The following DNAH14 variants were observed in gnomAD, a reference collection of about 807,000 sequenced individuals.
DNAH14 encodes dynein axonemal heavy chain 14, also known as axonemal beta dynein heavy chain 14.
In DNAH14, 478 loss-of-function variants were observed where a neutral mutation model predicts 520.9. The observed-to-expected ratio is 0.92, with a 90% CI of 0.85 to 0.99. The LOEUF (loss-of-function observed/expected upper bound fraction) is 0.99. Among genes scored for constraint, DNAH14 ranks in the 50% least tolerant of loss-of-function variants. The pLI is 0.00. For synonymous variants in DNAH14, 1,581 were observed against 1,757.2 expected, an observed-to-expected ratio of 0.90 and a Z score of 2.51; for missense variants, 4,831 against 5,234.5, an observed-to-expected ratio of 0.92 and a Z score of 2.38.
At chr1:225,309,225 G>A (rs1311893819) in intron 60 of DNAH14, among the ~76,000 whole-genome samples, 1 of 152,098 alleles carries the variant, frequency 6.6e-6, no homozygotes, top group Non-Finnish European at 1.5e-5. Flanking sequence ...TTATAACATG[G>A]TTGAAGAAAA....
intron 44 of DNAH14, among the ~76,000 whole-genome samples, chr1:225,257,266 T>A (rs1328495931): frequency 6.6e-6 from 1 of 152,176 alleles, no homozygotes; most frequent in Non-Finnish European, 1.5e-5. Flanking sequence ...CAGCTAAAAG[T>A]GCCTCTAGTG....
At chr1:225,061,095 A>G (rs1332075193) in intron 17 of DNAH14, among the ~76,000 whole-genome samples, 2 of 152,234 alleles carry the variant, frequency 1.3e-5, no homozygotes, top group Non-Finnish European at 1.5e-5. Context: ...TGTTTTGGCT[A>G]TGCCCTGCCC....
At chr1:224,986,483 A>G (rs1294000388) in intron 8 of DNAH14, among the ~76,000 whole-genome samples, 1 of 152,188 alleles carries the variant, frequency 6.6e-6, no homozygotes, top group Non-Finnish European at 1.5e-5. Context: ...ATAGTTCAAC[A>G]TATCAACATT....
At position 225,117,672 on chromosome 1, in the gene DNAH14, G is replaced by T. The variant is rs1258594355; in HGVS notation, c.3868-12G>T. 2.7e-6 allele frequency: 4 copies of T among 1,476,122 alleles called. No homozygotes were observed. Among genetic ancestry groups the T allele is most frequent in the Non-Finnish European group, 2.8e-6 (3 of 1,089,580 alleles). 91.4% of individuals were successfully genotyped at this position (1,476,122 alleles called of 1,614,324 possible). ...ATATATTCTGAATTGCATTTCTTTTGATTCTGGACAGGATTACCTTGAAGT... is the reference window on the plus strand; with the variant it reads ...ATATATTCTGAATTGCATTTCTTTTTATTCTGGACAGGATTACCTTGAAGT... On this transcript the variant is annotated splice_polypyrimidine_tract_variant and intron_variant, in intron 23 of 85. Coordinates refer to ENST00000682510, the MANE Select transcript of DNAH14 (RefSeq NM_001367479.1).
chr1:225,373,221 C>T (rs2095641056), intron 77 of DNAH14, among the ~76,000 whole-genome samples: 1 of 150,130 alleles, frequency 6.7e-6, no homozygotes, highest in Non-Finnish European at 1.5e-5. Flanking sequence ...AGAGGAGGGC[C>T]GGGCGCGGTG....
chr1:225,196,500 T>G (rs1200723360), intron 38 of DNAH14, among the ~76,000 whole-genome samples: 1 of 152,160 alleles, frequency 6.6e-6, no homozygotes, highest in African/African-American at 2.4e-5. Flanking sequence ...ACCTTTTTCA[T>G]GTAATGAGTT....
chr1:225,350,427 A>G (rs555829561), intron 71 of DNAH14, among the ~76,000 whole-genome samples: 31 of 152,190 alleles, frequency 2.0e-4, no homozygotes, highest in African/African-American at 7.0e-4. Context: ...GCAGTGATAA[A>G]CAAAATAGAG....
intron 67 of DNAH14, 110 bp downstream of exon 67, chr1:225,337,606 A>G (rs2095083687): frequency 1.3e-6 from 1 of 790,934 alleles, no homozygotes; most frequent in Non-Finnish European, 2.1e-6. Flanking sequence ...GGAAAAAATA[A>G]TAACAGACAT....
intron 77 of DNAH14, among the ~76,000 whole-genome samples, chr1:225,368,972 C>T (rs763664659): frequency 6.6e-6 from 1 of 152,040 alleles, no homozygotes; most frequent in Non-Finnish European, 1.5e-5. Flanking sequence ...TTATTCAAAG[C>T]TCAATCAAAA....
chr1:225,329,278 C>G (rs539829471), intron 64 of DNAH14, among the ~76,000 whole-genome samples: 1 of 152,124 alleles, frequency 6.6e-6, no homozygotes, highest in African/African-American at 2.4e-5. Flanking sequence ...AGGGAAGGGC[C>G]AAGGTACAAA....
At chr1:225,066,514 C>A (rs988119058) in intron 17 of DNAH14, among the ~76,000 whole-genome samples, 3 of 151,582 alleles carry the variant, frequency 2.0e-5, no homozygotes, top group Non-Finnish European at 4.4e-5. Flanking sequence ...ATTTTTATTT[C>A]GATAGTTTTG....
intron 16 of DNAH14, among the ~76,000 whole-genome samples, chr1:225,050,937 C>T (rs1464822386): frequency 1.3e-5 from 2 of 152,142 alleles, no homozygotes; most frequent in Non-Finnish European, 2.9e-5. Flanking sequence ...ACCTAGATCC[C>T]TCACATGTGC....
Position 225,153,718 on chromosome 1 carries a change from T to G in DNAH14, c.5197-32T>G, listed in dbSNP as rs1022459683. 7 of 1,459,368 alleles carry G rather than the reference T, an allele frequency of 4.8e-6. No homozygotes were observed. The African/African-American group carries it at 9.9e-5, about 21-fold the overall frequency. 90.4% of individuals were successfully genotyped at this position (1,459,368 alleles called of 1,614,324 possible). On this transcript the variant is annotated intron_variant, in intron 33 of 85. Coordinates refer to ENST00000682510, the MANE Select transcript of DNAH14 (RefSeq NM_001367479.1). ...GTTTTCATATTTTTTCTTTAGAAAC[T>G]TTAATAATTCAAATATTTTAATGTT... is the stretch of plus-strand genomic sequence containing the variant.
At chr1:224,997,921 T>C (rs1040935048) in intron 8 of DNAH14, among the ~76,000 whole-genome samples, 11 of 152,098 alleles carry the variant, frequency 7.2e-5, no homozygotes, top group African/African-American at 2.2e-4. Context: ...TAGGTGGGAA[T>C]TGAACAATGA....
At chr1:225,339,388 T>C (rs2095132865) in intron 68 of DNAH14, among the ~76,000 whole-genome samples, 1 of 152,180 alleles carries the variant, frequency 6.6e-6, no homozygotes, top group Admixed American at 6.5e-5. Context: ...ATTTCCATGG[T>C]TTAATAGGTA....
intron 64 of DNAH14, among the ~76,000 whole-genome samples, chr1:225,327,781 A>G (rs2094708781): frequency 6.6e-6 from 1 of 152,072 alleles, no homozygotes; most frequent in Admixed American, 6.5e-5. Context: ...AATGAAACCA[A>G]AAGTTGGTTA....
intron 1 of DNAH14, among the ~76,000 whole-genome samples, chr1:224,933,671 A>G (rs2058839594): frequency 6.6e-6 from 1 of 152,032 alleles, no homozygotes; most frequent in Admixed American, 6.5e-5. Flanking sequence ...CTTGTTCTGC[A>G]TTTATTGAGA....
chr1:225,266,228 A>G lies in DNAH14; in HGVS notation c.7411-413A>G, dbSNP rs187100944. Among the ~76,000 whole-genome samples, 3 of 152,278 alleles carry G rather than the reference A, an allele frequency of 2.0e-5. No homozygotes were observed. The East Asian group carries it at 5.8e-4, about 29-fold the overall frequency. On this transcript the variant is annotated intron_variant, in intron 48 of 85. Coordinates refer to ENST00000682510, the MANE Select transcript of DNAH14 (RefSeq NM_001367479.1). ...GCCTTATTCCTAAACCAGGGTGCAT[A>G]TGGAATAAACAGCTAAATACTACAA...
At chr1:224,962,198 C>T (rs1323916202) in intron 4 of DNAH14, among the ~76,000 whole-genome samples, 1 of 152,088 alleles carries the variant, frequency 6.6e-6, no homozygotes, top group Non-Finnish European at 1.5e-5. Context: ...TGTATAATTG[C>T]CTCCCCCTAA....
Sources: gnomAD v4.1 joint callset for allele counts (sites outside exome capture counted in the v4.1 genomes callset) on GRCh38, gnomAD v4.1.1 for gene constraint, MANE v1.5 for transcripts, NCBI Gene and HGNC (gene_info 2026-07-23, HGNC 2026-07-21) for gene names.